Variants in RGS5 observed in about 807,000 individuals in gnomAD.
The protein encoded by RGS5 is regulator of G-protein signalling 5.
A neutral mutation model predicts 18.9 loss-of-function variants in RGS5; 20 were observed. That is an observed-to-expected ratio of 1.06 (90% confidence interval 0.74 to 1.54). The LOEUF (loss-of-function observed/expected upper bound fraction) is 1.54, where lower values mean the gene tolerates loss of function less well. Ranked by LOEUF, RGS5 falls within the 40% of genes most tolerant of loss-of-function variation. The probability of loss-of-function intolerance (pLI) is 0.00; values close to 1 mark genes in which losing one functional copy is unlikely to be tolerated. For synonymous variants in RGS5, 57 were observed against 76.2 expected (o/e 0.75, Z 1.31); for missense variants, 201 against 211.8 (o/e 0.95, Z 0.32).
chr1:163,309,342 C>A (rs536698350), intron 1 of RGS5, among the ~76,000 whole-genome samples: 2 of 152,154 alleles, frequency 1.3e-5, no homozygotes, highest in African/African-American at 4.8e-5. Flanking sequence ...TGTTTGATAG[C>A]ATTGTACCCA....
chr1:163,254,550 G>C (rs1002879239), intron 2 of RGS5, among the ~76,000 whole-genome samples: 9 of 151,998 alleles, frequency 5.9e-5, no homozygotes, highest in South Asian at 2.1e-4. Context: ...GATATTAGCC[G>C]TTTGTCAGTT....
chr1:163,266,936 ATAT>A (rs1648586614), intron 2 of RGS5, among the ~76,000 whole-genome samples: 1 of 152,176 alleles, frequency 6.6e-6, no homozygotes, highest in African/African-American at 2.4e-5. Context: ...AAATAATATC[ATAT>A]TATAAAAAAT....
intron 2 of RGS5, among the ~76,000 whole-genome samples, chr1:163,240,499 A>C (rs547687147): frequency 6.6e-6 from 1 of 151,952 alleles, no homozygotes; most frequent in South Asian, 2.1e-4. Context: ...GAAATGAAGG[A>C]ACTCTTAGGG....
At chr1:163,258,208 C>T (rs537501312) in intron 2 of RGS5, among the ~76,000 whole-genome samples, 1 of 152,196 alleles carries the variant, frequency 6.6e-6, no homozygotes, top group African/African-American at 2.4e-5. Flanking sequence ...TAGTGAAGAA[C>T]CCCAACTAGT....
At chr1:163,272,934 C>G (rs947065594) in intron 2 of RGS5, among the ~76,000 whole-genome samples, 1 of 151,992 alleles carries the variant, frequency 6.6e-6, no homozygotes, top group Non-Finnish European at 1.5e-5. Context: ...GGTTTTGTTT[C>G]CATTCATTCA....
chr1:163,208,700 T>C (rs1345846971), intron 1 of RGS5, among the ~76,000 whole-genome samples: 2 of 151,984 alleles, frequency 1.3e-5, no homozygotes, highest in East Asian at 1.9e-4. Flanking sequence ...TAAATCCAAG[T>C]CAAAATGTAT....
intron 1 of RGS5, among the ~76,000 whole-genome samples, chr1:163,191,565 C>G (rs542876903): frequency 5.2e-4 from 79 of 152,168 alleles, no homozygotes; most frequent in Non-Finnish European, 1.0e-3. Flanking sequence ...GAGTGCGTTT[C>G]TTATTATGCC....
chr1:163,277,932 T>C (rs1282232856), intron 2 of RGS5, among the ~76,000 whole-genome samples: 2 of 151,970 alleles, frequency 1.3e-5, no homozygotes, highest in African/African-American at 2.4e-5. Flanking sequence ...ATAGAAAGAA[T>C]TCCTAAAGTT....
At position 163,309,883 on chromosome 1, in the gene RGS5, T is replaced by C. The variant is rs541734170; in HGVS notation, c.-377-3554A>G. On this transcript the variant is annotated intron_variant, in intron 1 of 5. Coordinates refer to the RGS5 transcript ENST00000618415. ...TAATAAGACTTGAAGTTTGAAATTA[T>C]TCCTTGATCCATGGGCTGCAGAACA... Among the ~76,000 whole-genome samples, 5 of 152,336 alleles carry C rather than the reference T, an allele frequency of 3.3e-5. No individual in the cohort carries two copies. The South Asian group carries it at 1.0e-3, about 32-fold the overall frequency.
chr1:163,295,857 A>C (rs570404822), intron 2 of RGS5, among the ~76,000 whole-genome samples: 1 of 152,336 alleles, frequency 6.6e-6, no homozygotes, highest in Admixed American at 6.5e-5. Context: ...TTATAAGACC[A>C]AAATCCCTTA....
chr1:163,303,886 A>G (rs1029652602), intron 2 of RGS5, among the ~76,000 whole-genome samples: 1 of 152,140 alleles, frequency 6.6e-6, no homozygotes, highest in African/African-American at 2.4e-5. Context: ...AATCTAATTA[A>G]TGCCTGATGA....
chr1:163,228,621 A>G (rs1447289353), intron 2 of RGS5, among the ~76,000 whole-genome samples: 2 of 152,160 alleles, frequency 1.3e-5, no homozygotes, highest in East Asian at 3.9e-4. Flanking sequence ...GCTCCTGATT[A>G]CTTATGTAAA....
chr1:163,163,189 G>A (rs1446481191), intron 2 of RGS5, among the ~76,000 whole-genome samples: 3 of 152,136 alleles, frequency 2.0e-5, no homozygotes, highest in African/African-American at 7.2e-5. Flanking sequence ...TTGGGCTAAA[G>A]TATTGTGAAT....
chr1:163,231,319 AT>A (rs1362326623), intron 2 of RGS5, among the ~76,000 whole-genome samples: 12 of 152,328 alleles, frequency 7.9e-5, no homozygotes, highest in Non-Finnish European at 1.5e-4. Context: ...AGCAGTTATT[AT>A]TCCCATTTTA....
chr1:163,177,659 A>C (rs1243615482), intron 1 of RGS5, among the ~76,000 whole-genome samples: 1 of 151,910 alleles, frequency 6.6e-6, no homozygotes, highest in Non-Finnish European at 1.5e-5. Context: ...AGGTGCAAGG[A>C]CTCCACCCAT....
chr1:163,296,259 A>G (rs1649416680), intron 2 of RGS5, among the ~76,000 whole-genome samples: 1 of 152,228 alleles, frequency 6.6e-6, no homozygotes, highest in Non-Finnish European at 1.5e-5. Flanking sequence ...AGAAAACTAT[A>G]GTACACCTGT....
upstream of RGS5, among the ~76,000 whole-genome samples, chr1:163,218,947 T>C (rs1178629068): frequency 2.6e-5 from 4 of 152,152 alleles, no homozygotes; most frequent in Non-Finnish European, 5.9e-5. Context: ...CTATTGTCTA[T>C]AATTGCGTGA....
At chr1:163,180,712 T>TTTTTTTTTTTTTTTTTAG (rs1658795130) in intron 1 of RGS5, among the ~76,000 whole-genome samples, 1 of 144,154 alleles carries the variant, frequency 6.9e-6, no homozygotes, top group African/African-American at 2.7e-5. Flanking sequence ...TTTTTTTTTT[T>TTTTTTTTTTTTTTTTTAG]GAGACGGAGT....
At chr1:163,242,733 T>C (rs1022999969) in intron 2 of RGS5, among the ~76,000 whole-genome samples, 3 of 152,104 alleles carry the variant, frequency 2.0e-5, no homozygotes, top group Non-Finnish European at 4.4e-5. Context: ...TGTGATGAAA[T>C]ATAGGATCGG....
Sources: allele counts gnomAD v4.1 joint callset (sites outside exome capture counted in the v4.1 genomes callset), GRCh38; gene constraint gnomAD v4.1.1; transcripts MANE v1.5; gene names NCBI Gene and HGNC (gene_info 2026-07-23, HGNC 2026-07-21).